CALN1: variants seen among roughly 807,000 people sequenced by gnomAD.
CALN1 encodes calcium-binding protein 8.
In CALN1, 17 loss-of-function variants were observed where a neutral mutation model predicts 30.6. The ratio of observed to expected loss-of-function variants is 0.56; its 90% CI spans 0.38 to 0.83. The LOEUF (loss-of-function observed/expected upper bound fraction) is 0.83. CALN1 is among the 40% of genes least tolerant of loss of function. The pLI is 0.00. For synonymous variants in CALN1, 156 were observed against 131.4 expected (o/e 1.19, Z -1.28); for missense variants, 291 against 354.9 (o/e 0.82, Z 1.45).
intron 2 of CALN1, among the ~76,000 whole-genome samples, chr7:72,347,470 C>A (rs2968512): frequency 6.6e-6 from 1 of 151,684 alleles, no homozygotes; most frequent in Non-Finnish European, 1.5e-5. Flanking sequence ...TTCTCTATGT[C>A]GGTCAGGCTG....
chr7:72,329,016 C>T (rs1479478550), intron 2 of CALN1, among the ~76,000 whole-genome samples: 4 of 152,196 alleles, frequency 2.6e-5, no homozygotes, highest in Admixed American at 2.6e-4. Flanking sequence ...CATTTTAAAA[C>T]AAACATTTTT....
chr7:72,004,778 G>T (rs1174109088), intron 5 of CALN1, among the ~76,000 whole-genome samples: 2 of 151,862 alleles, frequency 1.3e-5, no homozygotes, highest in Non-Finnish European at 2.9e-5. Flanking sequence ...AATATATAAA[G>T]ACTTCTCAAA....
chr7:72,444,789 T>C (rs983375688), intron 1 of CALN1, among the ~76,000 whole-genome samples: 3 of 152,160 alleles, frequency 2.0e-5, no homozygotes, highest in African/African-American at 7.2e-5. Context: ...AATGCTACCA[T>C]GTTACAGACA....
Position 72,396,799 on chromosome 7 carries a change from A to C in CALN1, c.119+6452T>G, listed in dbSNP as rs549145556. Among the ~76,000 whole-genome samples the C allele has an allele frequency of 3.9e-4, 59 of 152,318 alleles. 1 individual carries two copies. In the Middle Eastern group the frequency reaches 0.014, roughly 35 times the overall value. On this transcript the variant is annotated intron_variant, in intron 2 of 6. Transcript: ENST00000395275. ...TTGAAATAGTCATGGAGACCTGACCACTAGAACCATGACTCACACTGAGAA... is the reference window on the plus strand; with the variant it reads ...TTGAAATAGTCATGGAGACCTGACCCCTAGAACCATGACTCACACTGAGAA...
intron 3 of CALN1, among the ~76,000 whole-genome samples, chr7:72,214,468 G>A (rs1792628847): frequency 6.6e-6 from 1 of 151,620 alleles, no homozygotes; most frequent in African/African-American, 2.4e-5. Flanking sequence ...GACAGAGCAG[G>A]ACTCCATCTC....
intron 2 of CALN1, among the ~76,000 whole-genome samples, chr7:72,390,812 C>G (rs367805203): frequency 6.6e-6 from 1 of 152,172 alleles, no homozygotes. Context: ...GTTATTATAT[C>G]AACACATTTG....
chr7:72,205,307 T>C (rs1791747383), intron 3 of CALN1, among the ~76,000 whole-genome samples: 1 of 151,494 alleles, frequency 6.6e-6, no homozygotes, highest in Admixed American at 6.6e-5. Context: ...GGCTCAAGCA[T>C]CTTCTGCCTC....
At chr7:71,851,388 G>GGGTGCTT (rs1004723889) in intron 5 of CALN1, among the ~76,000 whole-genome samples, 8 of 151,670 alleles carry the variant, frequency 5.3e-5, no homozygotes, top group Admixed American at 5.3e-4. Flanking sequence ...GCATGGTGGT[G>GGGTGCTT]GGTGCTTGTG....
intron 5 of CALN1, among the ~76,000 whole-genome samples, chr7:71,858,480 A>C (rs1448281189): frequency 6.6e-6 from 1 of 151,280 alleles, no homozygotes; most frequent in African/African-American, 2.4e-5. Flanking sequence ...CTGTTCCTAT[A>C]CAAGATAGCT....
At chr7:72,068,645 G>A (rs1804187835) in intron 4 of CALN1, among the ~76,000 whole-genome samples, 1 of 152,078 alleles carries the variant, frequency 6.6e-6, no homozygotes, top group African/African-American at 2.4e-5. Context: ...CCGCCACCAT[G>A]CCCAGCTAAT....
intron 5 of CALN1, among the ~76,000 whole-genome samples, chr7:71,930,219 G>C (rs1415485188): frequency 6.6e-6 from 1 of 152,180 alleles, no homozygotes; most frequent in Non-Finnish European, 1.5e-5. Flanking sequence ...CACGGATACA[G>C]AGTGCCAACT....
chr7:72,481,562 G>T, the CALN1 span, among the ~76,000 whole-genome samples: 3 of 152,080 alleles, frequency 2.0e-5, no homozygotes, highest in South Asian at 2.1e-4. Context: ...GGAAGCTTAG[G>T]TTATTTAAGA....
At chr7:71,833,630 G>T (rs1562822059) in intron 5 of CALN1, among the ~76,000 whole-genome samples, 1 of 148,852 alleles carries the variant, frequency 6.7e-6, no homozygotes, top group Non-Finnish European at 1.5e-5. Flanking sequence ...ACCAGGCGAG[G>T]CACAGTGATG....
intron 2 of CALN1, among the ~76,000 whole-genome samples, chr7:72,291,172 C>T (rs950850823): frequency 6.6e-6 from 1 of 152,220 alleles, no homozygotes; most frequent in Non-Finnish European, 1.5e-5. Context: ...ATCTGCCCAC[C>T]TTAGCATCCC....
chr7:72,136,058 C>T (rs1336929851), intron 3 of CALN1, among the ~76,000 whole-genome samples: 3 of 151,758 alleles, frequency 2.0e-5, no homozygotes, highest in Non-Finnish European at 2.9e-5. Context: ...TGCTTGAATC[C>T]AGGAGGGCAG....
chr7:71,911,579 T>G (rs1269692953), intron 5 of CALN1, among the ~76,000 whole-genome samples: 1 of 152,152 alleles, frequency 6.6e-6, no homozygotes, highest in East Asian at 1.9e-4. Flanking sequence ...ACCTCAGCTC[T>G]CCATCTCTGA....
chr7:72,451,381 AAGG>A (rs1433057635), upstream of CALN1, among the ~76,000 whole-genome samples: 12 of 122,188 alleles, frequency 9.8e-5, no homozygotes, highest in Admixed American at 1.9e-4. Context: ...AAGAAAGAAG[AAGG>A]AGGAGGAGGA....
chr7:72,090,288 C>T (rs1584920510), intron 4 of CALN1, among the ~76,000 whole-genome samples: 1 of 152,046 alleles, frequency 6.6e-6, no homozygotes, highest in East Asian at 1.9e-4. Flanking sequence ...GGTGACAGAG[C>T]TCCATCCGAA....
intron 1 of CALN1, among the ~76,000 whole-genome samples, chr7:72,408,147 C>T (rs925708816): frequency 1.3e-5 from 2 of 151,676 alleles, no homozygotes; most frequent in Non-Finnish European, 2.9e-5. Context: ...AAAAACAAAC[C>T]GTAGGCCTGG....
Sources: allele counts gnomAD v4.1 joint callset (sites outside exome capture counted in the v4.1 genomes callset), GRCh38; gene constraint gnomAD v4.1.1; transcripts MANE v1.5; gene names NCBI Gene and HGNC (gene_info 2026-07-23, HGNC 2026-07-21).